AKAP9: variants seen among roughly 807,000 people sequenced by gnomAD.
The protein encoded by AKAP9 is A-kinase anchor protein 9.
In AKAP9, 311 loss-of-function variants were observed where a neutral mutation model predicts 488.5. That is an observed-to-expected ratio of 0.64 (90% CI 0.58 to 0.70). AKAP9 has a LOEUF of 0.70. AKAP9 is among the 30% of genes least tolerant of loss of function. AKAP9 has a pLI of 0.00. For missense variants in AKAP9, 4,215 were observed against 4,374.5 expected, an observed-to-expected ratio of 0.96 and a Z score of 1.03; for synonymous variants, 1,462 against 1,483.5, an observed-to-expected ratio of 0.99 and a Z score of 0.33.
At chr7:92,082,370 T>C in intron 31 of AKAP9, 152 bp from the exon 32 acceptor site, 1 of 724,692 alleles carries the variant, frequency 1.4e-6, no homozygotes, top group Non-Finnish European at 2.2e-6. Flanking sequence ...TGAAAAAGCT[T>C]CTCTGTTTTT....
chr7:91,946,712 G>C (rs1350801988), intron 1 of AKAP9, among the ~76,000 whole-genome samples: 2 of 152,174 alleles, frequency 1.3e-5, no homozygotes, highest in Non-Finnish European at 2.9e-5. Flanking sequence ...GGTGTTTAGA[G>C]AGAGAATGTG....
At chr7:91,978,901 C>CA (rs1796037914) in intron 2 of AKAP9, among the ~76,000 whole-genome samples, 1 of 150,246 alleles carries the variant, frequency 6.7e-6, no homozygotes, top group African/African-American at 2.4e-5. Context: ...GGATTACAGG[C>CA]ATGCACCACT....
At chr7:92,042,934 ATTTTCAGTTT>A (rs986863994) in intron 20 of AKAP9, 163 bp downstream of exon 20, 25 of 483,330 alleles carry the variant, frequency 5.2e-5, no homozygotes, top group Non-Finnish European at 8.9e-5. Flanking sequence ...TATGTAAAGG[ATTTTCAGTTT>A]TTCATCATTA....
chr7:92,042,195 G>A lies in AKAP9; in HGVS notation c.5058+9G>A, dbSNP rs750169072. 3.1e-6 allele frequency: 5 copies of A among 1,613,534 alleles called. No individual in the cohort carries two copies. Among genetic ancestry groups the A allele is most frequent in the Non-Finnish European group, 3.4e-6 (4 of 1,179,756 alleles). ...GCAGTACGCAAACACAGGTAGTATG[G>A]ACTTTGCCCCACCTAGGAGCAATGG... On this transcript the variant is annotated intron_variant, in intron 19 of 49. Coordinates refer to ENST00000356239, the MANE Select transcript of AKAP9 (RefSeq NM_005751.5).
Position 91,973,729 on chromosome 7 carries a change from A to G in AKAP9, c.67A>G (p.Arg23Gly), listed in dbSNP as rs974543308. 6.2e-7 allele frequency: 1 copy of G among 1,614,116 alleles called. No individual in the cohort carries two copies. Among genetic ancestry groups the G allele is most frequent in the Admixed American group, 1.7e-5 (1 of 60,016 alleles). Residue 23 changes from arginine to glycine, a missense_variant, in exon 2 of 50, where the codon AGA becomes GGA. Coordinates refer to ENST00000356239, the MANE Select transcript of AKAP9 (RefSeq NM_005751.5). The stretch of plus-strand genomic sequence containing the variant: ...TTCTTAGCTTGCCCAGTTTCGACAA[A>G]GAAAAGCTCAGTCGGATGGGCAGAG... ...GKAKLAQFRQ[R>G]KAQSDGQSPS...
chr7:91,999,466 A>G (rs1048162516), intron 7 of AKAP9, among the ~76,000 whole-genome samples: 3 of 152,230 alleles, frequency 2.0e-5, no homozygotes, highest in African/African-American at 7.2e-5. Flanking sequence ...TTATTAATTT[A>G]CAATGAGAAA....
intron 10 of AKAP9, among the ~76,000 whole-genome samples, chr7:92,015,444 G>A (rs1801377283): frequency 6.7e-6 from 1 of 148,404 alleles, no homozygotes; most frequent in African/African-American, 2.5e-5. Context: ...GGTTCACTGT[G>A]ACCTCTGCCT....
At chr7:91,990,000 A>G (rs1797567230) in intron 3 of AKAP9, among the ~76,000 whole-genome samples, 2 of 152,062 alleles carry the variant, frequency 1.3e-5, no homozygotes, top group African/African-American at 4.8e-5. Context: ...TGATACCTCT[A>G]TAAAACATTT....
intron 3 of AKAP9, among the ~76,000 whole-genome samples, chr7:91,991,628 C>G (rs1584744059): frequency 1.3e-5 from 2 of 152,164 alleles, no homozygotes; most frequent in East Asian, 3.9e-4. Flanking sequence ...CCCGCCACCA[C>G]ACCCGGCTAA....
chr7:92,083,366 TGAAGA>T lies in AKAP9; in HGVS notation c.8358_8362del (p.Lys2787GlnfsTer2). ...ATTGCATCCCAGACAGATGGGACTC[TGAAGA>T]TCAGTAGCAGCAATCAGACTCCACA... is the stretch of plus-strand genomic sequence containing the variant. On this transcript the variant is annotated frameshift_variant, in exon 33 of 50. Coordinates refer to ENST00000356239, the MANE Select transcript of AKAP9 (RefSeq NM_005751.5). LOFTEE classifies it high-confidence loss of function. 6.2e-7 allele frequency: 1 copy of T among 1,614,026 alleles called. No individual in the cohort carries two copies. The highest frequency in any genetic ancestry group is 8.5e-7 in the Non-Finnish European group (1 of 1,179,992).
In AKAP9 at chr7:92,061,509, G is replaced by A. The variant is rs1050582367; in HGVS notation, c.5764+87G>A. ...TGATGCACAGCCAGGTTTGGAAGCC[G>A]TCAATCCAATTTAGAATGACCATTA... On this transcript the variant is annotated intron_variant, in intron 23 of 49. Coordinates refer to ENST00000356239, the MANE Select transcript of AKAP9 (RefSeq NM_005751.5). 17 of 1,455,740 alleles carry A rather than the reference G, an allele frequency of 1.2e-5. No homozygotes were observed. The East Asian group carries it at 1.7e-4, about 15-fold the overall frequency. The allele number at this position is 1,455,740 out of a possible 1,614,324, so 90.2% of individuals were successfully genotyped here.
Position 92,083,330 on chromosome 7 carries a change from T to C in AKAP9, c.8321T>C (p.Leu2774Pro). The C allele has an allele frequency of 1.2e-6, 2 of 1,614,096 alleles. No individual in the cohort carries two copies. Among genetic ancestry groups the C allele is most frequent in the Non-Finnish European group, 1.7e-6 (2 of 1,180,030 alleles). ...ACMFEPLPIK[L>P]SKSIASQTDG... ...ATGTTTGAGCCACTTCCTATAAAAC[T>C]GAGTAAGAGCATTGCATCCCAGACA... The change falls in exon 33 of 50, where the codon CTG (leucine) becomes CCG (proline). Residue 2774 changes from leucine to proline, a missense_variant. Transcript: ENST00000356239.
Position 92,012,651 on chromosome 7 carries a change from G to A in AKAP9, c.3532+9G>A. ...GAAAACACAAGAAACAGGTAAAATG[G>A]TTTCTGACTTATAAGTACCATGATC... is the stretch of plus-strand genomic sequence containing the variant. On this transcript the variant is annotated intron_variant, in intron 9 of 49. Transcript: ENST00000356239. 6.3e-7 allele frequency: 1 copy of A among 1,592,168 alleles called. No homozygotes were observed. The highest frequency in any genetic ancestry group is 8.6e-7 in the Non-Finnish European group (1 of 1,161,206).
intron 46 of AKAP9, among the ~76,000 whole-genome samples, chr7:92,103,068 C>G (rs1373605992): frequency 6.6e-6 from 1 of 152,104 alleles, no homozygotes; most frequent in Non-Finnish European, 1.5e-5. Context: ...TGACTCAGAG[C>G]TGGCCTATCC....
chr7:91,955,820 A>G (rs1208536072), intron 1 of AKAP9, among the ~76,000 whole-genome samples: 2 of 152,140 alleles, frequency 1.3e-5, no homozygotes, highest in East Asian at 3.9e-4. Context: ...TTTTGGTAGA[A>G]ACAGGGTCTC....
chr7:91,997,635 A>C (rs1055615872), intron 7 of AKAP9, among the ~76,000 whole-genome samples: 1 of 152,224 alleles, frequency 6.6e-6, no homozygotes, highest in Non-Finnish European at 1.5e-5. Context: ...GTCTAGAAAC[A>C]GTAATCTTTG....
At chr7:92,083,139 ATGCCC>A in intron 32 of AKAP9, 26 bp from the exon 33 acceptor site, 1 of 1,608,440 alleles carries the variant, frequency 6.2e-7, no homozygotes. Context: ...TTTTAACTGA[ATGCCC>A]TACTGTTCTA....
chr7:92,070,934 A>C lies in AKAP9; in HGVS notation c.6537A>C (p.Val2179=). The change falls in exon 28 of 50, where the codon GTA becomes GTC. Residue 2179 remains valine (V), a synonymous_variant. Coordinates refer to ENST00000356239, the MANE Select transcript of AKAP9 (RefSeq NM_005751.5). Reference sequence around the variant, plus strand: ...AGGACCGAAAACACTTTGGAGCTGTAGAAGCTAAACCAGAATTGTCCCTAG... The same window carrying C: ...AGGACCGAAAACACTTTGGAGCTGTCGAAGCTAAACCAGAATTGTCCCTAG... ...KVEDRKHFGA[V]EAKPELSLEV... The C allele has an allele frequency of 1.2e-6, 2 of 1,613,934 alleles. No individual in the cohort carries two copies. The highest frequency in any genetic ancestry group is 1.7e-6 in the Non-Finnish European group (2 of 1,179,890).
At chr7:91,976,414 A>C (rs1795697611) in intron 2 of AKAP9, among the ~76,000 whole-genome samples, 1 of 151,658 alleles carries the variant, frequency 6.6e-6, no homozygotes, top group South Asian at 2.1e-4. Flanking sequence ...GTAGAGACGG[A>C]GTTTTGCCAT....
Sources: gnomAD v4.1 joint callset for allele counts (sites outside exome capture counted in the v4.1 genomes callset) on GRCh38, gnomAD v4.1.1 for gene constraint, MANE v1.5 for transcripts, NCBI Gene and HGNC (gene_info 2026-07-23, HGNC 2026-07-21) for gene names.